AKAP19: variants seen among roughly 807,000 people sequenced by gnomAD.
AKAP19 encodes small A-kinase anchoring protein.
At chr2:190,075,494 A>G in the AKAP19 span, among the ~76,000 whole-genome samples, 44 of 152,304 alleles carry the variant, frequency 2.9e-4, no homozygotes, top group South Asian at 7.7e-3. Flanking sequence ...CAGTTTTTAA[A>G]TGTATTTTAA....
At chr2:189,940,257 C>A in the AKAP19 span, among the ~76,000 whole-genome samples, 1 of 142,984 alleles carries the variant, frequency 7.0e-6, no homozygotes, top group Non-Finnish European at 1.5e-5. Context: ...CTGGCTTGGG[C>A]GACAGAGCAA....
At chr2:190,071,039 G>C in the AKAP19 span, among the ~76,000 whole-genome samples, 1 of 152,216 alleles carries the variant, frequency 6.6e-6, no homozygotes, top group Non-Finnish European at 1.5e-5. Context: ...CTACGGCTTA[G>C]TGATGTCTTG....
the AKAP19 span, among the ~76,000 whole-genome samples, chr2:189,932,285 G>A: frequency 6.6e-6 from 1 of 151,942 alleles, no homozygotes; most frequent in Non-Finnish European, 1.5e-5. Context: ...GCACGCACCT[G>A]TAGTCCCAGC....
At chr2:189,897,312 G>T in the AKAP19 span, among the ~76,000 whole-genome samples, 1 of 151,852 alleles carries the variant, frequency 6.6e-6, no homozygotes, top group Non-Finnish European at 1.5e-5. Flanking sequence ...ATAATTTTTG[G>T]TAAGCTATTC....
chr2:189,895,814 A>G, the AKAP19 span, among the ~76,000 whole-genome samples: 1 of 152,074 alleles, frequency 6.6e-6, no homozygotes. Context: ...ATGAATCAGA[A>G]TGAATAAGAA....
the AKAP19 span, among the ~76,000 whole-genome samples, chr2:190,069,562 C>T: frequency 1.3e-5 from 2 of 152,038 alleles, no homozygotes; most frequent in Admixed American, 6.5e-5. Flanking sequence ...TAGTAATAGC[C>T]TTAGAAAAAT....
the AKAP19 span, among the ~76,000 whole-genome samples, chr2:190,117,495 A>G: frequency 6.6e-6 from 1 of 152,220 alleles, no homozygotes; most frequent in Non-Finnish European, 1.5e-5. Context: ...ACAGTCTTTC[A>G]TTCTTAGAGT....
the AKAP19 span, among the ~76,000 whole-genome samples, chr2:189,906,180 AGAGAAAT>A: frequency 6.6e-6 from 1 of 152,114 alleles, no homozygotes; most frequent in Non-Finnish European, 1.5e-5. Context: ...GATATTTAAT[AGAGAAAT>A]TAGGCTAAGA....
At chr2:190,116,851 T>A in the AKAP19 span, among the ~76,000 whole-genome samples, 1 of 152,262 alleles carries the variant, frequency 6.6e-6, no homozygotes, top group East Asian at 1.9e-4. Context: ...AGATTCATAC[T>A]TTTTCCCCAA....
the AKAP19 span, among the ~76,000 whole-genome samples, chr2:190,047,629 T>C: frequency 6.6e-6 from 1 of 152,240 alleles, no homozygotes; most frequent in African/African-American, 2.4e-5. Context: ...AGTCTTGAAC[T>C]CAATGAATGG....
chr2:190,140,342 G>A, the AKAP19 span, among the ~76,000 whole-genome samples: 2 of 152,156 alleles, frequency 1.3e-5, no homozygotes, highest in African/African-American at 2.4e-5. Context: ...GCTCCACTAG[G>A]CAGTGCCCCA....
chr2:189,889,036 G>A, the AKAP19 span, among the ~76,000 whole-genome samples: 1 of 152,120 alleles, frequency 6.6e-6, no homozygotes, highest in Non-Finnish European at 1.5e-5. Context: ...AATGCTTCCA[G>A]CTTTTGCCCA....
chr2:189,932,683 G>A, the AKAP19 span, among the ~76,000 whole-genome samples: 2 of 146,720 alleles, frequency 1.4e-5, no homozygotes, highest in African/African-American at 2.6e-5. Flanking sequence ...TCCAGCCTGT[G>A]CAACAGAGTG....
chr2:190,131,697 T>C, the AKAP19 span, among the ~76,000 whole-genome samples: 1 of 152,174 alleles, frequency 6.6e-6, no homozygotes, highest in Non-Finnish European at 1.5e-5. Context: ...AGTTGGGCAG[T>C]CTTGTAGGAT....
chr2:189,899,152 A>G, the AKAP19 span, among the ~76,000 whole-genome samples: 1 of 152,134 alleles, frequency 6.6e-6, no homozygotes, highest in Non-Finnish European at 1.5e-5. Context: ...ACTTCTATTT[A>G]TCTTACAAGA....
the AKAP19 span, among the ~76,000 whole-genome samples, chr2:190,097,125 G>C: frequency 1.3e-5 from 2 of 152,070 alleles, no homozygotes; most frequent in Non-Finnish European, 2.9e-5. Context: ...TTGTTACATA[G>C]GTAAATGTGT....
the AKAP19 span, among the ~76,000 whole-genome samples, chr2:189,977,057 C>G: frequency 6.6e-6 from 1 of 152,118 alleles, no homozygotes; most frequent in Non-Finnish European, 1.5e-5. Context: ...ATCACCCGTC[C>G]TCTGCATCGC....
At chr2:190,143,920 A>G in the AKAP19 span, among the ~76,000 whole-genome samples, 5 of 147,538 alleles carry the variant, frequency 3.4e-5, no homozygotes, top group Non-Finnish European at 6.0e-5. Flanking sequence ...CTATCGCAAG[A>G]ACAAAAAACC....
chr2:189,957,522 A>C, the AKAP19 span, among the ~76,000 whole-genome samples: 1 of 152,164 alleles, frequency 6.6e-6, no homozygotes, highest in Non-Finnish European at 1.5e-5. Context: ...TTGCCACCAA[A>C]ACCAGAGAAA....
Sources: allele counts gnomAD v4.1 joint callset (sites outside exome capture counted in the v4.1 genomes callset), GRCh38; gene constraint gnomAD v4.1.1; transcripts MANE v1.5; gene names NCBI Gene and HGNC (gene_info 2026-07-23, HGNC 2026-07-21).